The following RNASEH2A variants were observed in gnomAD, a reference collection of about 807,000 sequenced individuals.
RNASEH2A encodes the protein ribonuclease H2 subunit A.
Under a neutral mutation model 32.7 loss-of-function variants are expected in RNASEH2A, and 30 were observed. That is an observed-to-expected ratio of 0.92 (90% CI 0.69 to 1.25). The LOEUF is 1.25. Among genes scored for constraint, RNASEH2A ranks in the 50% most tolerant of loss-of-function variants. RNASEH2A has a pLI of 0.00. For synonymous variants in RNASEH2A, 147 were observed against 165.4 expected (o/e 0.89, Z 0.86); for missense variants, 409 against 398.1 (o/e 1.03, Z -0.23).
At chr19:12,812,545 A>G (rs757572749) in intron 6 of RNASEH2A, among the ~76,000 whole-genome samples, 4 of 152,096 alleles carry the variant, frequency 2.6e-5, no homozygotes, top group African/African-American at 4.8e-5. Context: ...AAATAAGTAA[A>G]TAAAATAAAA....
At chr19:12,807,179 C>T in intron 2 of RNASEH2A, 27 bp from the exon 3 acceptor site, 1 of 1,614,066 alleles carries the variant, frequency 6.2e-7, no homozygotes, top group Middle Eastern at 1.6e-4. Flanking sequence ...ACCAGCTGTT[C>T]CCCTTCTCTT....
rs1969108516 is a variant in RNASEH2A, at chr19:12,813,567, TGGGAGTGTGCTCTGCAGCC to T, written c.*105_*123del. ...ATGTACTTTTGGGACAGAAGCAAGG[TGGGAGTGTGCTCTGCAGCC>T]GGGTCCAGCTACTTCCTTTTGGAAC... On this transcript the variant is annotated 3_prime_UTR_variant, in exon 8 of 8. Coordinates refer to ENST00000221486, the MANE Select transcript of RNASEH2A (RefSeq NM_006397.3). 1.3e-6 allele frequency: 2 copies of T among 1,500,278 alleles called. No individual in the cohort carries two copies. Among genetic ancestry groups the T allele is most frequent in the East Asian group, 4.5e-5 (2 of 44,418 alleles). 92.9% of individuals were successfully genotyped at this position (1,500,278 alleles called of 1,614,324 possible).
In RNASEH2A at chr19:12,813,605, T is replaced by C; in HGVS notation, c.*139T>C. On this transcript the variant is annotated 3_prime_UTR_variant, in exon 8 of 8. Coordinates refer to ENST00000221486, the MANE Select transcript of RNASEH2A (RefSeq NM_006397.3). Reference sequence around the variant, plus strand: ...TGCAGCCGGGTCCAGCTACTTCCTTTTGGAACCTTAAATAGAATGGGTGTT... The same window carrying C: ...TGCAGCCGGGTCCAGCTACTTCCTTCTGGAACCTTAAATAGAATGGGTGTT... 1.0e-6 allele frequency: 1 copy of C among 992,208 alleles called. No homozygotes were observed. Among genetic ancestry groups the C allele is most frequent in the Non-Finnish European group, 1.6e-6 (1 of 638,518 alleles). The allele number at this position is 992,208 out of a possible 1,614,324, so 61.5% of individuals were successfully genotyped here.
rs1969016200 is a variant in RNASEH2A at position 12,807,719 on chromosome 19, G to A, written c.411+213G>A. ...AGCCGCGGCGGGTAGATCACCGGAG[G>A]TCAAGAGTTCGAGACCAGCCTGACC... On this transcript the variant is annotated intron_variant, in intron 4 of 7. Coordinates refer to ENST00000221486, the MANE Select transcript of RNASEH2A (RefSeq NM_006397.3). 5.1e-6 allele frequency: 3 copies of A among 587,984 alleles called. No individual in the cohort carries two copies. In the African/African-American group the frequency reaches 5.5e-5, roughly 11 times the overall value. 36.4% of individuals were successfully genotyped at this position (587,984 alleles called of 1,614,324 possible).
At position 12,813,205 on chromosome 19, in the gene RNASEH2A, T is replaced by C. The variant is rs757666508; in HGVS notation, c.760T>C (p.Trp254Arg). The change falls in exon 7 of 8, where the codon TGG becomes CGG. Residue 254 changes from tryptophan to arginine, a missense_variant and splice_region_variant. Physicochemically the swap from Trp to Arg is moderately radical, Grantham distance 101 (BLOSUM62 -3). Transcript: ENST00000221486. Reference protein sequence around the residue: ...ILEKEAEDVIWEDSASENQEG... With the variant: ...ILEKEAEDVIREDSASENQEG... ...GGAGAAAGAGGCGGAAGATGTTATA[T>C]GGTGGGTGTCATGGATGTCCTGGGG... 3.1e-5 allele frequency: 50 copies of C among 1,613,878 alleles called. No homozygotes were observed. The highest frequency in any genetic ancestry group is 4.2e-5 in the Non-Finnish European group (49 of 1,180,006).
At position 12,807,657 on chromosome 19, in the gene RNASEH2A, C is replaced by A. The variant is rs973531666; in HGVS notation, c.411+151C>A. ...CCCCAACTCAAAAATGGAGGCAGGG[C>A]GCAGTGGCTCACGCCTATAATCGCA... On this transcript the variant is annotated intron_variant, in intron 4 of 7. Transcript: ENST00000221486. The A allele has an allele frequency of 1.1e-5, 8 of 745,506 alleles. No homozygotes were observed. In the Admixed American group the frequency reaches 1.4e-4, roughly 13 times the overall value. 46.2% of individuals were successfully genotyped at this position (745,506 alleles called of 1,614,324 possible). A position where few individuals can be genotyped will look rare whatever the true frequency, so the allele number is the denominator to read the frequency against.
chr19:12,807,579 G>C, intron 4 of RNASEH2A, 73 bp downstream of exon 4: 1 of 1,235,634 alleles, frequency 8.1e-7, no homozygotes. Context: ...GTTCGAGACT[G>C]CAGTGAGCCA....
intron 4 of RNASEH2A, among the ~76,000 whole-genome samples, chr19:12,808,142 T>C (rs1050829122): frequency 1.3e-5 from 2 of 151,446 alleles, no homozygotes; most frequent in African/African-American, 2.4e-5. Flanking sequence ...ATCCCACCTA[T>C]TGGTGAGGCC....
chr19:12,809,928 C>T (rs1599534979), intron 4 of RNASEH2A, 143 bp from the exon 5 acceptor site: 8 of 1,087,968 alleles, frequency 7.4e-6, no homozygotes, highest in Admixed American at 6.8e-5. Context: ...AGGAGATGTT[C>T]GAGTTGAAAT....
chr19:12,813,186 A>G lies in RNASEH2A; in HGVS notation c.741A>G (p.Lys247=), dbSNP rs140320292. The G allele has an allele frequency of 2.4e-4, 385 of 1,613,898 alleles. No individual in the cohort carries two copies. Among genetic ancestry groups the G allele is most frequent in the Non-Finnish European group, 3.1e-4 (363 of 1,180,002 alleles). The change falls in exon 7 of 8, where the codon AAA becomes AAG. Residue 247 remains lysine (K), a synonymous_variant. Transcript: ENST00000221486. Reference sequence around the variant, plus strand: ...GCACGGCCCAGACCATCCTGGAGAAAGAGGCGGAAGATGTTATATGGTGGG... The same window carrying G: ...GCACGGCCCAGACCATCCTGGAGAAGGAGGCGGAAGATGTTATATGGTGGG... The part of the protein sequence containing the change: ...SWRTAQTILE[K]EAEDVIWEDS...
intron 5 of RNASEH2A, 39 bp downstream of exon 5, chr19:12,810,247 CACT>C: frequency 6.2e-7 from 1 of 1,614,182 alleles, no homozygotes; most frequent in Non-Finnish European, 8.5e-7. Context: ...TCCACCATCC[CACT>C]ATATAGGGGC....
intron 6 of RNASEH2A, among the ~76,000 whole-genome samples, chr19:12,812,080 A>T (rs1350285796): frequency 6.6e-6 from 1 of 152,012 alleles, no homozygotes; most frequent in Non-Finnish European, 1.5e-5. Flanking sequence ...TCTACAAAAA[A>T]TACAAAAATT....
rs553287901 is a variant in RNASEH2A at position 12,811,629 on chromosome 19, T to A, written c.637+1225T>A. 7.1e-5 allele frequency among the ~76,000 whole-genome samples: 10 copies of A among 140,510 alleles called. No homozygotes were observed. In the East Asian group the frequency reaches 1.9e-3, roughly 27 times the overall value. The allele number at this position is 140,510 out of a possible 152,430, so 92.2% of individuals were successfully genotyped here. ...TGAGATCTTGTGTCAAAAAAAAAAA[T>A]AATGTTAGCCAGGCGTGGTGGCTCA... On this transcript the variant is annotated intron_variant, in intron 6 of 7. Coordinates refer to ENST00000221486, the MANE Select transcript of RNASEH2A (RefSeq NM_006397.3).
chr19:12,809,975 A>C, intron 4 of RNASEH2A, 96 bp from the exon 5 acceptor site: 1 of 1,491,746 alleles, frequency 6.7e-7, no homozygotes, highest in South Asian at 1.1e-5. Flanking sequence ...GCTGGAGAAG[A>C]GGATTCTGGG....
rs202170103 is a variant in RNASEH2A, at chr19:12,806,648, C to T, written c.-26C>T. 234 of 1,570,308 alleles carry T rather than the reference C, an allele frequency of 1.5e-4. No homozygotes were observed. The highest frequency in any genetic ancestry group is 1.9e-4 in the Non-Finnish European group (224 of 1,157,620). ...CCCGCTCCTGCAGTATTAGTTCTTGCAGCTGGTGGTGGCGGCTGAGGCGGC... is the reference window on the plus strand; with the variant it reads ...CCCGCTCCTGCAGTATTAGTTCTTGTAGCTGGTGGTGGCGGCTGAGGCGGC... On this transcript the variant is annotated 5_prime_UTR_variant, in exon 1 of 8. Transcript: ENST00000221486.
intron 4 of RNASEH2A, among the ~76,000 whole-genome samples, chr19:12,808,157 C>G (rs1017825813): frequency 2.0e-5 from 3 of 151,958 alleles, no homozygotes; most frequent in Admixed American, 1.3e-4. Context: ...GAGGCCGAGG[C>G]AGAAGAATTG....
intron 4 of RNASEH2A, among the ~76,000 whole-genome samples, chr19:12,808,787 C>A (rs974424584): frequency 1.3e-5 from 2 of 152,110 alleles, no homozygotes; most frequent in Non-Finnish European, 2.9e-5. Context: ...GGCAAAATAA[C>A]CTTGACGTAG....
At position 12,813,461 on chromosome 19, in the gene RNASEH2A, C is replaced by T. The variant is rs2145830615; in HGVS notation, c.895C>T (p.Leu299Phe). Residue 299 changes from leucine to phenylalanine, a missense_variant, in exon 8 of 8, where the codon CTC becomes TTC. Physicochemically the swap from Leu to Phe is conservative, Grantham distance 22. Transcript: ENST00000221486. Reference sequence around the variant, plus strand: ...ACGCGGCCTGGAGTCAGCAACCAGCCTCTAGCAGCTGCCTCTACGCGCTCT... The same window carrying T: ...ACGCGGCCTGGAGTCAGCAACCAGCTTCTAGCAGCTGCCTCTACGCGCTCT... ...LERGLESATSL is the reference protein window; with the variant it reads ...LERGLESATSF 6.2e-7 allele frequency: 1 copy of T among 1,613,382 alleles called. No homozygotes were observed.
In RNASEH2A at chr19:12,810,366, A is replaced by G; in HGVS notation, c.599A>G (p.Gln200Arg). The G allele has an allele frequency of 1.2e-6, 2 of 1,614,188 alleles. No homozygotes were observed. Among genetic ancestry groups the G allele is most frequent in the Non-Finnish European group, 1.7e-6 (2 of 1,180,036 alleles). Residue 200 changes from glutamine (Q) to arginine (R), a missense_variant, in exon 6 of 8, where the codon CAG becomes CGG. Coordinates refer to ENST00000221486, the MANE Select transcript of RNASEH2A (RefSeq NM_006397.3). The stretch of plus-strand genomic sequence containing the variant: ...AAATGGCAGTTCGTGGAGAAACTGC[A>G]GGACTTGGATACTGATTATGGCTCA... ...VKKWQFVEKL[Q>R]DLDTDYGSGY...
Sources: allele counts gnomAD v4.1 joint callset (sites outside exome capture counted in the v4.1 genomes callset), GRCh38; gene constraint gnomAD v4.1.1; transcripts MANE v1.5; gene names NCBI Gene and HGNC (gene_info 2026-07-23, HGNC 2026-07-21).